Variants in ENTPD7 observed in about 807,000 individuals in gnomAD.
The protein encoded by ENTPD7 is NTPDase 7.
A neutral mutation model predicts 77.9 loss-of-function variants in ENTPD7; 53 were observed. The observed-to-expected ratio is 0.68, with a 90% CI of 0.55 to 0.85. ENTPD7 has a LOEUF of 0.85. ENTPD7 is among the 40% of genes least tolerant of loss of function. The pLI is 0.00. For missense variants in ENTPD7, 636 were observed against 743.7 expected (o/e 0.86, Z 1.68); for synonymous variants, 248 against 274.9 (o/e 0.90, Z 0.97).
intron 8 of ENTPD7, among the ~76,000 whole-genome samples, chr10:99,693,976 T>C (rs186417811): frequency 4.6e-5 from 7 of 152,208 alleles, no homozygotes; most frequent in Admixed American, 3.9e-4. Flanking sequence ...AGATGAATCT[T>C]AGTGCTTGGT....
At chr10:99,676,175 A>G (rs2035678928) in intron 3 of ENTPD7, among the ~76,000 whole-genome samples, 1 of 152,218 alleles carries the variant, frequency 6.6e-6, no homozygotes, top group Non-Finnish European at 1.5e-5. Context: ...GCAAAATTAT[A>G]AAACAATGCC....
intron 10 of ENTPD7, among the ~76,000 whole-genome samples, chr10:99,700,324 C>T (rs762396599): frequency 6.6e-5 from 10 of 152,112 alleles, no homozygotes; most frequent in East Asian, 1.9e-4. Context: ...AAAATGACAA[C>T]GCTCCCCATA....
Position 99,691,747 on chromosome 10 carries a change from A to T in ENTPD7, c.843+229A>T, listed in dbSNP as rs1235635680. 2.8e-4 allele frequency among the ~76,000 whole-genome samples: 42 copies of T among 152,358 alleles called. No individual in the cohort carries two copies. The East Asian group carries it at 7.7e-3, about 28-fold the overall frequency. ...AAAGTTATGAGGATGAAATAATACC[A>T]TGTTTGTAAAGCATTTAGCAAACTG... is the stretch of plus-strand genomic sequence containing the variant. On this transcript the variant is annotated intron_variant, in intron 8 of 12. Coordinates refer to ENST00000370489, the MANE Select transcript of ENTPD7 (RefSeq NM_020354.5).
At chr10:99,680,320 C>T (rs959093186) in intron 5 of ENTPD7, among the ~76,000 whole-genome samples, 1 of 152,096 alleles carries the variant, frequency 6.6e-6, no homozygotes, top group African/African-American at 2.4e-5. Context: ...CCTGTTTTCT[C>T]AGCCCCAGCC....
chr10:99,697,650 T>C (rs1297749253), intron 9 of ENTPD7: 1 of 157,426 alleles, frequency 6.4e-6, no homozygotes, highest in East Asian at 1.8e-4. Flanking sequence ...TCCTTACAGT[T>C]GGTGTCACAT....
At position 99,708,765 on chromosome 10, in the gene ENTPD7, T is replaced by C. The variant is rs1392422807; in HGVS notation, c.*4082T>C. The C allele has an allele frequency of 2.1e-6, 2 of 933,974 alleles. No homozygotes were observed. The highest frequency in any genetic ancestry group is 2.6e-6 in the Non-Finnish European group (2 of 783,150). The allele number at this position is 933,974 out of a possible 1,614,324, so 57.9% of individuals were successfully genotyped here. ...CAACCCCCTTGATTTATATGGGTGA[T>C]AAAACTGAGGCCTAGAGCAGTTGTA... On this transcript the variant is annotated 3_prime_UTR_variant, in exon 13 of 13. Coordinates refer to ENST00000370489, the MANE Select transcript of ENTPD7 (RefSeq NM_020354.5).
chr10:99,684,920 A>G (rs933387594), intron 5 of ENTPD7, among the ~76,000 whole-genome samples: 2 of 152,164 alleles, frequency 1.3e-5, no homozygotes, highest in Non-Finnish European at 2.9e-5. Context: ...AGATTTTCAC[A>G]ATGAAAAAAA....
At chr10:99,698,400 C>T (rs2036031591) in intron 9 of ENTPD7, 134 bp from the exon 10 acceptor site, 8 of 799,910 alleles carry the variant, frequency 1.0e-5, no homozygotes, top group South Asian at 1.9e-5. Flanking sequence ...GATGAAATTG[C>T]ACTCCATCCT....
intron 2 of ENTPD7, among the ~76,000 whole-genome samples, 196 bp from the exon 3 acceptor site, chr10:99,661,250 G>A (rs994462834): frequency 6.6e-6 from 1 of 152,116 alleles, no homozygotes; most frequent in African/African-American, 2.4e-5. Flanking sequence ...TTGGAAAAAG[G>A]GCAGATAAGG....
In ENTPD7 at chr10:99,679,260, G is replaced by C. The variant is rs376615452; in HGVS notation, c.192-1G>C. ...CTGATTTCTCTTTTTGCCTGACTTAGGTATTTGGCTCGAGTAGGGGAGCTT... is the reference window on the plus strand; with the variant it reads ...CTGATTTCTCTTTTTGCCTGACTTACGTATTTGGCTCGAGTAGGGGAGCTT... On this transcript the variant is annotated splice_acceptor_variant, in intron 3 of 12. Transcript: ENST00000370489. LOFTEE classifies it high-confidence loss of function. 1.1e-5 allele frequency: 17 copies of C among 1,613,800 alleles called. No individual in the cohort carries two copies. The East Asian group carries it at 3.8e-4, about 36-fold the overall frequency.
At chr10:99,702,743 CTTTCT>C in intron 12 of ENTPD7, 70 bp downstream of exon 12, 2 of 1,397,780 alleles carry the variant, frequency 1.4e-6, no homozygotes, top group Non-Finnish European at 1.9e-6. Flanking sequence ...GAATCGGTTT[CTTTCT>C]TTTTTTTTTT....
intron 5 of ENTPD7, among the ~76,000 whole-genome samples, chr10:99,681,684 C>G (rs910130636): frequency 6.6e-6 from 1 of 152,192 alleles, no homozygotes; most frequent in African/African-American, 2.4e-5. Flanking sequence ...TTCTCCACAG[C>G]CCTGCCAACA....
chr10:99,679,202 G>T (rs2035720766), intron 3 of ENTPD7, 59 bp from the exon 4 acceptor site: 15 of 1,535,686 alleles, frequency 9.8e-6, no homozygotes, highest in Non-Finnish European at 1.3e-5. Context: ...TGAAGTAAGT[G>T]AGGGCGCCTT....
At chr10:99,662,775 T>C (rs922757417) in intron 3 of ENTPD7, among the ~76,000 whole-genome samples, 2 of 152,226 alleles carry the variant, frequency 1.3e-5, no homozygotes, top group Non-Finnish European at 1.5e-5. Context: ...TAGATCTCCA[T>C]ACTGTTACTC....
At chr10:99,681,205 C>A (rs1267679864) in intron 5 of ENTPD7, among the ~76,000 whole-genome samples, 1 of 152,134 alleles carries the variant, frequency 6.6e-6, no homozygotes, top group Non-Finnish European at 1.5e-5. Context: ...CTTTGAGATC[C>A]TGATTTTAAA....
chr10:99,674,266 G>A (rs1037037042), intron 3 of ENTPD7, among the ~76,000 whole-genome samples: 1 of 152,200 alleles, frequency 6.6e-6, no homozygotes, highest in African/African-American at 2.4e-5. Context: ...TTGGGAGTCT[G>A]TGAGGGTGAA....
In ENTPD7 at chr10:99,710,405, T is replaced by C. The variant is rs2036343492; in HGVS notation, c.*5722T>C. 1 of 985,078 alleles carries C rather than the reference T, an allele frequency of 1.0e-6. No individual in the cohort carries two copies. Among genetic ancestry groups the C allele is most frequent in the Non-Finnish European group, 1.2e-6 (1 of 829,758 alleles). 61.0% of individuals were successfully genotyped at this position (985,078 alleles called of 1,614,324 possible). A position where few individuals can be genotyped will look rare whatever the true frequency, so the allele number is the denominator to read the frequency against. ...CCCCCTTTATTTCTACCTTGATCAA[T>C]GGCCTCTGCGGAGTGTAGTGAAAGA... On this transcript the variant is annotated 3_prime_UTR_variant, in exon 13 of 13. Transcript: ENST00000370489.
intron 12 of ENTPD7, among the ~76,000 whole-genome samples, chr10:99,703,069 T>C (rs965853678): frequency 3.3e-5 from 5 of 152,212 alleles, no homozygotes; most frequent in African/African-American, 7.2e-5. Context: ...TCTAGAGCAA[T>C]CTTTCATAAC....
intron 8 of ENTPD7, among the ~76,000 whole-genome samples, chr10:99,695,297 G>A (rs1382875826): frequency 1.3e-5 from 2 of 151,998 alleles, no homozygotes; most frequent in East Asian, 3.9e-4. Flanking sequence ...GGCTGAGAAG[G>A]GCTGATCATG....
Sources: gnomAD v4.1 joint callset for allele counts (sites outside exome capture counted in the v4.1 genomes callset) on GRCh38, gnomAD v4.1.1 for gene constraint, MANE v1.5 for transcripts, NCBI Gene and HGNC (gene_info 2026-07-23, HGNC 2026-07-21) for gene names.